MPRIP: variants seen among roughly 807,000 people sequenced by gnomAD.
MPRIP encodes myosin phosphatase Rho-interacting protein.
Under a neutral mutation model 234.9 loss-of-function variants are expected in MPRIP, and 59 were observed. The observed-to-expected ratio is 0.25, with a 90% CI of 0.20 to 0.31. The LOEUF is 0.31. Among genes scored for constraint, MPRIP ranks in the 10% least tolerant of loss-of-function variants. MPRIP has a pLI of 1.00. For missense variants in MPRIP, 2,436 were observed against 3,071.0 expected, an observed-to-expected ratio of 0.79 and a Z score of 4.89; for synonymous variants, 1,144 against 1,263.9, an observed-to-expected ratio of 0.91 and a Z score of 2.01.
rs2045788865 is a variant in MPRIP at position 17,158,668 on chromosome 17, C to T, written c.2066C>T (p.Pro689Leu). The change falls in exon 14 of 24, where the codon CCC (proline) becomes CTC (leucine). Residue 689 changes from proline (P) to leucine (L), a missense_variant. By Grantham distance (98) the Pro-to-Leu change is moderately conservative. Transcript: ENST00000651222. The stretch of plus-strand genomic sequence containing the variant: ...GTGGGGCCTGCTGACACCCACGAGC[C>T]CCTGCGCCCTGAGGCGGAGCCTGGG... ...GGVGPADTHE[P>L]LRPEAEPGEL... The T allele has an allele frequency of 1.2e-6, 2 of 1,606,284 alleles. No individual in the cohort carries two copies. Among genetic ancestry groups the T allele is most frequent in the Admixed American group, 1.7e-5 (1 of 59,380 alleles).
intron 3 of MPRIP, among the ~76,000 whole-genome samples, chr17:17,080,758 T>A (rs900214948): frequency 2.0e-5 from 3 of 152,248 alleles, no homozygotes; most frequent in African/African-American, 7.2e-5. Context: ...TATTTATTTT[T>A]AAAAATGAAA....
chr17:17,165,346 C>T lies in MPRIP; in HGVS notation c.3755C>T (p.Thr1252Ile). 1 of 1,304,176 alleles carries T rather than the reference C, an allele frequency of 7.7e-7. No homozygotes were observed. Among genetic ancestry groups the T allele is most frequent in the Non-Finnish European group, 1.0e-6 (1 of 988,970 alleles). 80.8% of individuals were successfully genotyped at this position (1,304,176 alleles called of 1,614,324 possible). A position where few individuals can be genotyped will look rare whatever the true frequency, so the allele number is the denominator to read the frequency against. Residue 1252 changes from threonine (T) to isoleucine (I), a missense_variant, in exon 16 of 24, where the codon ACT becomes ATT. Thr to Ile is a moderately conservative substitution (Grantham distance 89). Coordinates refer to ENST00000651222, the MANE Select transcript of MPRIP (RefSeq NM_001364716.4). ...TLLPGQPVQA[T>I]RAPLGLPHTR... ...CTCCCAGGCCAACCAGTCCAAGCCA[C>T]TAGGGCACCTCTAGGCCTCCCACAC...
rs182358010 is a variant in MPRIP at position 17,057,825 on chromosome 17, C to T, written c.123+14854C>T. The T allele has an allele frequency of 4.0e-4, 264 of 656,282 alleles. 3 individuals are homozygous for T. Among genetic ancestry groups the T allele is most frequent in the Admixed American group, 3.1e-3 (136 of 43,264 alleles). The allele number at this position is 656,282 out of a possible 1,614,324, so 40.7% of individuals were successfully genotyped here. ...CAGGGATCTTCACAGTTTGAAGAGC[C>T]GCTGATATACTCTAATACTTGCAGT... is the stretch of plus-strand genomic sequence containing the variant. On this transcript the variant is annotated intron_variant, in intron 1 of 23. Coordinates refer to ENST00000651222, the MANE Select transcript of MPRIP (RefSeq NM_001364716.4).
intron 1 of MPRIP, among the ~76,000 whole-genome samples, chr17:17,068,210 G>A (rs894999978): frequency 4.6e-5 from 7 of 152,010 alleles, no homozygotes; most frequent in African/African-American, 1.7e-4. Context: ...GAATGCAGTG[G>A]AGCGATCTCG....
At chr17:17,075,556 A>G (rs905540054) in intron 1 of MPRIP, among the ~76,000 whole-genome samples, 154 bp from the exon 2 acceptor site, 1 of 152,100 alleles carries the variant, frequency 6.6e-6, no homozygotes, top group African/African-American at 2.4e-5. Context: ...CTGACTCTCA[A>G]GCAGCTGCAG....
chr17:17,160,633 T>C (rs1411108477), intron 14 of MPRIP, among the ~76,000 whole-genome samples: 1 of 152,246 alleles, frequency 6.6e-6, no homozygotes, highest in Non-Finnish European at 1.5e-5. Context: ...CACACCTTGT[T>C]TGAGGGAACT....
chr17:17,134,396 T>C (rs1395258757), intron 5 of MPRIP, among the ~76,000 whole-genome samples: 1 of 152,194 alleles, frequency 6.6e-6, no homozygotes, highest in Non-Finnish European at 1.5e-5. Flanking sequence ...CAGGATGCTG[T>C]GCTTGGTGCA....
rs944251659 is a variant in MPRIP at position 17,078,365 on chromosome 17, G to T, written c.267+289G>T. ...TGTGGACTTCACTGGAGCACTCCTG[G>T]TTAGGGGAAAGCAAGGGCAAAGTCC... On this transcript the variant is annotated intron_variant, in intron 3 of 23. Transcript: ENST00000651222. This position sits in a 1 kb window ranked among gnomAD's most constrained non-coding sequence, Gnocchi z 4.3. Among the ~76,000 whole-genome samples the T allele has an allele frequency of 6.6e-6, 1 of 152,224 alleles. No individual in the cohort carries two copies. The highest frequency in any genetic ancestry group is 2.1e-4 in the South Asian group (1 of 4,830).
chr17:17,054,263 A>G (rs1025429753), intron 1 of MPRIP, among the ~76,000 whole-genome samples: 1 of 152,234 alleles, frequency 6.6e-6, no homozygotes, highest in Non-Finnish European at 1.5e-5. Flanking sequence ...ATTGTAAGGC[A>G]TACCTCCTAC....
intron 5 of MPRIP, among the ~76,000 whole-genome samples, chr17:17,132,956 C>T (rs972669379): frequency 1.3e-5 from 2 of 152,206 alleles, no homozygotes; most frequent in African/African-American, 4.8e-5. Flanking sequence ...TAGGGTTACA[C>T]TGCGTTTCCA....
Position 17,138,071 on chromosome 17 carries a change from C to T in MPRIP, c.892C>T (p.His298Tyr). The T allele has an allele frequency of 6.3e-7, 1 of 1,599,546 alleles. No homozygotes were observed. Among genetic ancestry groups the T allele is most frequent in the South Asian group, 1.1e-5 (1 of 89,478 alleles). The change falls in exon 7 of 24, where the codon CAC becomes TAC. Residue 298 changes from histidine to tyrosine, a missense_variant. His to Tyr is a moderately conservative substitution (Grantham distance 83, BLOSUM62 2). Coordinates refer to ENST00000651222, the MANE Select transcript of MPRIP (RefSeq NM_001364716.4). This position sits in a 1 kb window ranked among gnomAD's most constrained non-coding sequence, Gnocchi z 5.8. ...CCCTCCCAGCCCCAGCACCCCCAACCACAGGTACAGTTGCCCCGAGTCGCC... is the reference window on the plus strand; with the variant it reads ...CCCTCCCAGCCCCAGCACCCCCAACTACAGGTACAGTTGCCCCGAGTCGCC... ...LSPPSPSTPNHRYSCPESPSQ... is the reference protein window; with the variant it reads ...LSPPSPSTPNYRYSCPESPSQ...
chr17:17,058,007 C>T (rs917158377), intron 1 of MPRIP: 16 of 370,016 alleles, frequency 4.3e-5, no homozygotes, highest in Non-Finnish European at 7.0e-5. Flanking sequence ...ATCCTTCACG[C>T]CCCTCCCCAG....
chr17:17,089,664 G>C (rs981744847), intron 3 of MPRIP, among the ~76,000 whole-genome samples: 2 of 152,108 alleles, frequency 1.3e-5, no homozygotes, highest in Non-Finnish European at 2.9e-5. Context: ...GGACTTGTGG[G>C]GGTGCTGCTA....
chr17:17,101,399 C>T (rs2089957367), intron 3 of MPRIP, among the ~76,000 whole-genome samples: 1 of 152,122 alleles, frequency 6.6e-6, no homozygotes, highest in Admixed American at 6.5e-5. Context: ...AACCCCATCT[C>T]TACTAAAAAA....
intron 3 of MPRIP, among the ~76,000 whole-genome samples, chr17:17,111,466 G>A (rs976720700): frequency 6.6e-6 from 1 of 152,168 alleles, no homozygotes; most frequent in Non-Finnish European, 1.5e-5. Flanking sequence ...CTCACCAGGG[G>A]CTTTTTCCCA....
chr17:17,181,121 G>A (rs2046366652), intron 23 of MPRIP, among the ~76,000 whole-genome samples: 2 of 152,204 alleles, frequency 1.3e-5, no homozygotes, highest in African/African-American at 2.4e-5. Flanking sequence ...GGATAAACCA[G>A]GACTAGAGCT....
In MPRIP at chr17:17,112,898, C is replaced by A. The variant is rs572871343; in HGVS notation, c.268-13804C>A. Among the ~76,000 whole-genome samples, 4 of 152,324 alleles carry A rather than the reference C, an allele frequency of 2.6e-5. No homozygotes were observed. In the South Asian group the frequency reaches 8.3e-4, roughly 32 times the overall value. Reference sequence around the variant, plus strand: ...TAGGCATTTCTGCTGGTGACACAGCCAACTCACTCTGTCCTTTCTCCCTGG... The same window carrying A: ...TAGGCATTTCTGCTGGTGACACAGCAAACTCACTCTGTCCTTTCTCCCTGG... On this transcript the variant is annotated intron_variant, in intron 3 of 23. Transcript: ENST00000651222.
chr17:17,044,081 G>C (rs1310308866), intron 1 of MPRIP, among the ~76,000 whole-genome samples: 1 of 152,166 alleles, frequency 6.6e-6, no homozygotes, highest in Non-Finnish European at 1.5e-5. Flanking sequence ...AGGGTGGTGG[G>C]GCAGGGGTTA....
rs754149978 is a variant in MPRIP, at chr17:17,126,707, G to A, written c.273G>A (p.Thr91=). The change falls in exon 4 of 24, where the codon ACG becomes ACA. Residue 91 remains threonine (T), a synonymous_variant. Transcript: ENST00000651222. ...TCTCTGCCGCCTTCTTCCAGCCCAC[G>A]ACCCTTCCTCAGGGCACCATCAACA... The part of the protein sequence containing the change: ...LLRYALDEMP[T]TLPQGTINMN... 38 of 1,611,228 alleles carry A rather than the reference G, an allele frequency of 2.4e-5. No individual in the cohort carries two copies. Among genetic ancestry groups the A allele is most frequent in the East Asian group, 1.8e-4 (8 of 44,824 alleles).
Sources: gnomAD v4.1 joint callset for allele counts (sites outside exome capture counted in the v4.1 genomes callset) on GRCh38, gnomAD v4.1.1 for gene constraint, Gnocchi (gnomAD v3.1) non-coding constraint, MANE v1.5 for transcripts, NCBI Gene and HGNC (gene_info 2026-07-23, HGNC 2026-07-21) for gene names.